WNT3: variants seen among roughly 807,000 people sequenced by gnomAD.
WNT3 encodes the protein Wnt family member 3.
A neutral mutation model predicts 34.2 loss-of-function variants in WNT3; 7 were observed. The observed-to-expected ratio is 0.20, with a 90% confidence interval of 0.12 to 0.38. The LOEUF is 0.38. Ranked by LOEUF, WNT3 falls within the 10% of genes least tolerant of loss-of-function variation. The pLI is 1.00. For synonymous variants in WNT3, 212 were observed against 211.5 expected (o/e 1.00, Z -0.02); for missense variants, 267 against 499.8 (o/e 0.53, Z 4.44).
At chr17:46,803,373 A>G (rs1056740781) in intron 1 of WNT3, among the ~76,000 whole-genome samples, 2 of 152,182 alleles carry the variant, frequency 1.3e-5, no homozygotes, top group African/African-American at 4.8e-5. Flanking sequence ...GTCTCTACTA[A>G]AAATACAAAA....
At chr17:46,765,741 C>T (rs2059306934) in intron 4 of WNT3, among the ~76,000 whole-genome samples, 1 of 152,238 alleles carries the variant, frequency 6.6e-6, no homozygotes, top group Non-Finnish European at 1.5e-5. Context: ...CTCTGCTTGG[C>T]CCAGGAGCCT....
intron 1 of WNT3, among the ~76,000 whole-genome samples, chr17:46,805,502 G>A (rs1299467797): frequency 1.3e-5 from 2 of 152,168 alleles, no homozygotes; most frequent in Non-Finnish European, 2.9e-5. Flanking sequence ...GAACCGGGGA[G>A]GTGGAGGTTG....
intron 1 of WNT3, among the ~76,000 whole-genome samples, chr17:46,799,908 G>C (rs1568091428): frequency 6.6e-6 from 1 of 152,116 alleles, no homozygotes; most frequent in East Asian, 1.9e-4. Flanking sequence ...TGCACCACAG[G>C]TGGTTCTGTC....
At chr17:46,789,854 A>G (rs12449293) in intron 1 of WNT3, among the ~76,000 whole-genome samples, 1,599 of 152,236 alleles carry the variant, frequency 0.011, 30 homozygotes, top group African/African-American at 0.037. Flanking sequence ...CTCACGGGGG[A>G]TGCTGCGACC....
intron 1 of WNT3, among the ~76,000 whole-genome samples, chr17:46,776,475 A>G (rs2059413147): frequency 6.6e-6 from 1 of 152,152 alleles, no homozygotes; most frequent in African/African-American, 2.4e-5. Context: ...TAAAAACTTC[A>G]TTATCATCGC....
intron 1 of WNT3, among the ~76,000 whole-genome samples, chr17:46,784,895 C>T (rs1174176947): frequency 6.6e-6 from 1 of 151,870 alleles, no homozygotes; most frequent in Non-Finnish European, 1.5e-5. Flanking sequence ...CCTGCCTCAG[C>T]CTCCCGAGTA....
At chr17:46,765,649 C>T (rs1161096871) in intron 4 of WNT3, among the ~76,000 whole-genome samples, 2 of 152,260 alleles carry the variant, frequency 1.3e-5, no homozygotes, top group East Asian at 3.9e-4. Flanking sequence ...TCCCGTCTTG[C>T]CTAGCGGAGT....
intron 1 of WNT3, among the ~76,000 whole-genome samples, chr17:46,794,752 CTTTTTTTT>C (rs5820620): frequency 3.9e-5 from 5 of 129,282 alleles, no homozygotes; most frequent in Admixed American, 8.0e-5. Context: ...CTTTCTTTTT[CTTTTTTTT>C]TTTTTTTTTT....
intron 1 of WNT3, among the ~76,000 whole-genome samples, chr17:46,808,164 G>A (rs147572722): frequency 7.2e-5 from 11 of 152,320 alleles, no homozygotes; most frequent in African/African-American, 1.4e-4. Context: ...ACTGAGGCCC[G>A]GGAGGCAGTG....
chr17:46,794,055 G>C (rs567887162), intron 1 of WNT3, among the ~76,000 whole-genome samples: 54 of 152,274 alleles, frequency 3.5e-4, no homozygotes, highest in African/African-American at 1.1e-3. Flanking sequence ...AATCTAACAG[G>C]CATGTTCATA....
In WNT3 at chr17:46,763,137, A is replaced by G. The variant is rs2059282189; in HGVS notation, c.*1493T>C. Reference sequence around the variant, plus strand: ...CCAGCTGGGAGATCGCTGCCCTGGTATTTTAGGTCAGGGTTAGGTAGACCC... The same window carrying G: ...CCAGCTGGGAGATCGCTGCCCTGGTGTTTTAGGTCAGGGTTAGGTAGACCC... On this transcript the variant is annotated 3_prime_UTR_variant, in exon 5 of 5. Coordinates refer to ENST00000225512, the MANE Select transcript of WNT3 (RefSeq NM_030753.5). The G allele has an allele frequency of 6.6e-6, 1 of 152,124 alleles. No individual in the cohort carries two copies. 9.4% of individuals were successfully genotyped at this position (152,124 alleles called of 1,614,324 possible).
At position 46,816,468 on chromosome 17, in the gene WNT3, A is replaced by AACAC. The variant is rs879498852; in HGVS notation, c.80+2046_80+2049dup. Among the ~76,000 whole-genome samples the AACAC allele has an allele frequency of 3.1e-3, 296 of 96,518 alleles. 1 individual carries two copies. The highest frequency in any genetic ancestry group is 0.011 in the African/African-American group (245 of 21,900). The allele number at this position is 96,518 out of a possible 152,430, so 63.3% of individuals were successfully genotyped here. ...ACACCTCTTAGGGTCATAGACCCAG[A>AACAC]ACACACGCACACACACACACACACA... On this transcript the variant is annotated intron_variant, in intron 1 of 4. Coordinates refer to ENST00000225512, the MANE Select transcript of WNT3 (RefSeq NM_030753.5).
intron 1 of WNT3, among the ~76,000 whole-genome samples, chr17:46,778,706 G>C (rs2059432011): frequency 6.6e-6 from 1 of 152,118 alleles, no homozygotes; most frequent in Admixed American, 6.6e-5. Flanking sequence ...TGACGGATTT[G>C]CCTAGCCAGC....
At chr17:46,794,752 CTTTTTTT>C (rs5820620) in intron 1 of WNT3, among the ~76,000 whole-genome samples, 342 of 129,280 alleles carry the variant, frequency 2.6e-3, no homozygotes, top group African/African-American at 9.0e-3. Flanking sequence ...CTTTCTTTTT[CTTTTTTT>C]TTTTTTTTTT....
intron 1 of WNT3, among the ~76,000 whole-genome samples, chr17:46,802,511 A>G (rs914022938): frequency 6.6e-6 from 1 of 151,938 alleles, no homozygotes; most frequent in African/African-American, 2.4e-5. Flanking sequence ...CAGATGATCC[A>G]CCTGCCTCGG....
intron 1 of WNT3, among the ~76,000 whole-genome samples, chr17:46,778,699 C>T (rs1354859671): frequency 3.3e-5 from 5 of 152,204 alleles, no homozygotes; most frequent in Admixed American, 2.0e-4. Flanking sequence ...GTGGCTTTGA[C>T]GGATTTGCCT....
At chr17:46,801,996 T>C (rs2084131589) in intron 1 of WNT3, among the ~76,000 whole-genome samples, 1 of 152,228 alleles carries the variant, frequency 6.6e-6, no homozygotes, top group African/African-American at 2.4e-5. Flanking sequence ...TCACAAACTG[T>C]TAAACATAAG....
intron 1 of WNT3, among the ~76,000 whole-genome samples, chr17:46,788,123 G>A (rs989141210): frequency 5.3e-5 from 8 of 152,144 alleles, no homozygotes; most frequent in Non-Finnish European, 1.2e-4. Context: ...CCTTCAAAGA[G>A]GTGACATTCG....
chr17:46,797,317 G>A (rs2084066975), intron 1 of WNT3, among the ~76,000 whole-genome samples: 1 of 152,216 alleles, frequency 6.6e-6, no homozygotes, highest in Non-Finnish European at 1.5e-5. Context: ...GGGAGAGAGT[G>A]GAAGTGAGGC....
Sources: allele counts gnomAD v4.1 joint callset (sites outside exome capture counted in the v4.1 genomes callset), GRCh38; gene constraint gnomAD v4.1.1; transcripts MANE v1.5; gene names NCBI Gene and HGNC (gene_info 2026-07-23, HGNC 2026-07-21).